NT5C3A: variants seen among roughly 807,000 people sequenced by gnomAD.
NT5C3A encodes the protein cytosolic 5'-nucleotidase 3A.
In NT5C3A, 23 loss-of-function variants were observed where a neutral mutation model predicts 40.0. The observed-to-expected ratio is 0.58, with a 90% CI of 0.41 to 0.81. The LOEUF (loss-of-function observed/expected upper bound fraction) is 0.81. NT5C3A is among the 40% of genes least tolerant of loss of function. The probability of loss-of-function intolerance (pLI) is 0.00; values close to 1 mark genes in which losing one functional copy is unlikely to be tolerated. For synonymous variants in NT5C3A, 130 were observed against 141.4 expected (o/e 0.92, Z 0.57); for missense variants, 328 against 403.0 (o/e 0.81, Z 1.59).
chr7:33,057,205 G>A (rs1787606158), intron 1 of NT5C3A, among the ~76,000 whole-genome samples: 1 of 152,040 alleles, frequency 6.6e-6, no homozygotes, highest in African/African-American at 2.4e-5. Context: ...AGTGGAAGAA[G>A]GGAAGAAGTT....
intron 1 of NT5C3A, chr7:33,040,885 G>C: frequency 3.0e-6 from 3 of 985,180 alleles, no homozygotes; most frequent in Non-Finnish European, 3.6e-6. Context: ...GAAGGTAACC[G>C]GACGAGCTAC....
intron 1 of NT5C3A, among the ~76,000 whole-genome samples, chr7:33,056,032 C>A (rs1282282742): frequency 1.3e-5 from 2 of 152,168 alleles, no homozygotes; most frequent in Non-Finnish European, 2.9e-5. Context: ...AATACTTGAG[C>A]TCAGGAGTTT....
At chr7:33,016,792 G>C (rs1207942347) in intron 7 of NT5C3A, among the ~76,000 whole-genome samples, 1 of 151,364 alleles carries the variant, frequency 6.6e-6, no homozygotes, top group African/African-American at 2.4e-5. Context: ...ATACTGCCTT[G>C]ATTAGAAAAC....
At chr7:33,018,118 A>G (rs1785439335) in intron 6 of NT5C3A, among the ~76,000 whole-genome samples, 1 of 152,266 alleles carries the variant, frequency 6.6e-6, no homozygotes, top group East Asian at 1.9e-4. Flanking sequence ...ATGGAGTCCC[A>G]TAGTGGGCCT....
chr7:33,061,328 C>A (rs1205386768), intron 1 of NT5C3A, among the ~76,000 whole-genome samples: 3 of 152,096 alleles, frequency 2.0e-5, no homozygotes, highest in African/African-American at 7.2e-5. Context: ...TTATTAAGAC[C>A]CTTTAAGAAT....
At chr7:33,030,540 T>C (rs1786189054) in intron 1 of NT5C3A, among the ~76,000 whole-genome samples, 2 of 152,176 alleles carry the variant, frequency 1.3e-5, no homozygotes, top group Non-Finnish European at 2.9e-5. Flanking sequence ...AGAGAACAAA[T>C]TCATTTTATG....
rs1787397717 is a variant in NT5C3A at position 33,052,266 on chromosome 7, C to G, written c.138+10302G>C. On this transcript the variant is annotated intron_variant, in intron 1 of 8. Coordinates refer to ENST00000610140, the MANE Select transcript of NT5C3A (RefSeq NM_001002010.5). ...TGGGAGGCTGAGGCAGGTGGATCACCTGAGGTCAGGAGTTCGAGACCAGCT... is the reference window on the plus strand; with the variant it reads ...TGGGAGGCTGAGGCAGGTGGATCACGTGAGGTCAGGAGTTCGAGACCAGCT... Among the ~76,000 whole-genome samples the G allele has an allele frequency of 2.0e-5, 3 of 152,026 alleles. No individual in the cohort carries two copies. The South Asian group carries it at 6.2e-4, about 32-fold the overall frequency.
chr7:33,020,605 C>G (rs373265028), intron 5 of NT5C3A, among the ~76,000 whole-genome samples: 2 of 152,040 alleles, frequency 1.3e-5, no homozygotes, highest in African/African-American at 4.8e-5. Flanking sequence ...TGTTACGTAA[C>G]GGGACAATAA....
rs752382942 is a variant in NT5C3A at position 33,023,351 on chromosome 7, C to T, written c.307+688G>A. On this transcript the variant is annotated intron_variant, in intron 3 of 8. Transcript: ENST00000610140. Reference sequence around the variant, plus strand: ...TTGGCTCACTGCAAACTCCACGTCCCGGGTTCAAGTGATTCTCCTGCCTCA... The same window carrying T: ...TTGGCTCACTGCAAACTCCACGTCCTGGGTTCAAGTGATTCTCCTGCCTCA... 7.4e-4 allele frequency among the ~76,000 whole-genome samples: 112 copies of T among 152,030 alleles called. 1 individual carries two copies. The highest frequency in any genetic ancestry group is 1.4e-3 in the Non-Finnish European group (97 of 68,024).
At chr7:33,021,474 C>T in intron 4 of NT5C3A, 117 bp from the exon 5 acceptor site, 5 of 1,235,826 alleles carry the variant, frequency 4.0e-6, no homozygotes, top group Non-Finnish European at 5.6e-6. Flanking sequence ...AAAAGTTGAG[C>T]TAATGCATCA....
intron 2 of NT5C3A, among the ~76,000 whole-genome samples, chr7:33,026,069 C>A (rs1346130284): frequency 1.3e-5 from 2 of 152,104 alleles, no homozygotes; most frequent in African/African-American, 4.8e-5. Context: ...ACCTGTAATC[C>A]CAGCTGCTCT....
At chr7:33,040,952 C>T (rs1786884546) in intron 1 of NT5C3A, 5 of 985,316 alleles carry the variant, frequency 5.1e-6, no homozygotes, top group Middle Eastern at 1.0e-3. Context: ...CAAGGTGCAA[C>T]TGAGGGCGGT....
chr7:33,035,914 G>A, intron 1 of NT5C3A: 2 of 1,597,410 alleles, frequency 1.3e-6, no homozygotes, highest in Non-Finnish European at 1.7e-6. Context: ...AAATGGAACT[G>A]GAAATAGGCA....
intron 1 of NT5C3A, among the ~76,000 whole-genome samples, chr7:33,042,191 AG>A (rs1424769050): frequency 1.7e-4 from 26 of 152,268 alleles, no homozygotes; most frequent in African/African-American, 5.1e-4. Context: ...ACAAAAAATT[AG>A]CCGGGCCTGG....
chr7:33,055,142 T>C (rs1045492593), intron 1 of NT5C3A, among the ~76,000 whole-genome samples: 1 of 152,112 alleles, frequency 6.6e-6, no homozygotes, highest in East Asian at 1.9e-4. Flanking sequence ...CTGGCAAATA[T>C]GGAGAAACCT....
intron 4 of NT5C3A, among the ~76,000 whole-genome samples, 159 bp from the exon 5 acceptor site, chr7:33,021,516 A>G (rs953192493): frequency 3.9e-5 from 6 of 152,238 alleles, no homozygotes; most frequent in African/African-American, 1.4e-4. Context: ...CTTAGTTGAC[A>G]TGTAATCAAA....
chr7:33,034,057 AT>A (rs1345212407), intron 1 of NT5C3A, among the ~76,000 whole-genome samples: 2 of 151,214 alleles, frequency 1.3e-5, no homozygotes, highest in Non-Finnish European at 2.9e-5. Flanking sequence ...CGCCTGGATA[AT>A]TTTTTTGTAT....
At chr7:33,061,253 T>A (rs6947507) in intron 1 of NT5C3A, among the ~76,000 whole-genome samples, 111,232 of 152,186 alleles carry the variant, frequency 0.73, 40,997 homozygotes, top group African/African-American at 0.81. Flanking sequence ...AACTTCTGAG[T>A]TAAAACCATT....
intron 1 of NT5C3A, among the ~76,000 whole-genome samples, chr7:33,030,854 C>T (rs970485710): frequency 2.0e-5 from 3 of 151,944 alleles, no homozygotes; most frequent in African/African-American, 7.3e-5. Flanking sequence ...AATCCCAGCA[C>T]TTTGGGAGGC....
Sources: allele counts gnomAD v4.1 joint callset (sites outside exome capture counted in the v4.1 genomes callset), GRCh38; gene constraint gnomAD v4.1.1; transcripts MANE v1.5; gene names NCBI Gene and HGNC (gene_info 2026-07-23, HGNC 2026-07-21).